CREB1: variants seen among roughly 807,000 people sequenced by gnomAD.
The protein encoded by CREB1 is cyclic AMP-responsive element-binding protein 1.
Under a neutral mutation model 42.0 loss-of-function variants are expected in CREB1, and 2 were observed. The ratio of observed to expected loss-of-function variants is 0.05; its 90% CI spans 0.02 to 0.15. The LOEUF (loss-of-function observed/expected upper bound fraction) is 0.15, where lower values mean the gene tolerates loss of function less well. CREB1 is among the 10% of genes least tolerant of loss of function. CREB1 has a pLI of 1.00. For missense variants in CREB1, 199 were observed against 388.9 expected (o/e 0.51, Z 4.11); for synonymous variants, 123 against 139.9 (o/e 0.88, Z 0.85).
At chr2:207,555,330 G>T (rs1233119451) in intron 1 of CREB1, among the ~76,000 whole-genome samples, 1 of 152,136 alleles carries the variant, frequency 6.6e-6, no homozygotes, top group Non-Finnish European at 1.5e-5. Flanking sequence ...GTTAGTAGGG[G>T]AGATTTATGT....
At chr2:207,571,022 C>CT (rs71036933) in intron 5 of CREB1, among the ~76,000 whole-genome samples, 738 of 68,492 alleles carry the variant, frequency 0.011, 25 homozygotes, top group South Asian at 0.065. Flanking sequence ...CTCTTTTTCC[C>CT]TTTTTTTTTT....
intron 1 of CREB1, among the ~76,000 whole-genome samples, chr2:207,533,149 T>C (rs2080722626): frequency 6.6e-6 from 1 of 152,178 alleles, no homozygotes; most frequent in African/African-American, 2.4e-5. Flanking sequence ...CAGAGTTTGC[T>C]TGAAGAATGT....
At chr2:207,584,592 G>A (rs1445727743) in intron 7 of CREB1, among the ~76,000 whole-genome samples, 1 of 152,140 alleles carries the variant, frequency 6.6e-6, no homozygotes, top group African/African-American at 2.4e-5. Context: ...AGTAGAGACA[G>A]GGTTTCGCCA....
intron 1 of CREB1, among the ~76,000 whole-genome samples, chr2:207,554,866 G>T (rs2081652474): frequency 6.6e-6 from 1 of 152,172 alleles, no homozygotes; most frequent in Non-Finnish European, 1.5e-5. Context: ...ATTTGGCTCT[G>T]TGGCCATTTA....
At chr2:207,571,012 C>A in intron 5 of CREB1, among the ~76,000 whole-genome samples, 1 of 33,370 alleles carries the variant, frequency 3.0e-5, no homozygotes, top group East Asian at 2.7e-3. Flanking sequence ...GTACTTTTTT[C>A]TCTTTTTCCC....
rs55694411 is a variant in CREB1 at position 207,604,321 on chromosome 2, C to A, written c.*7263C>A. On this transcript the variant is annotated 3_prime_UTR_variant, in exon 8 of 8. Coordinates refer to ENST00000353267, the MANE Select transcript of CREB1 (RefSeq NM_004379.5). ...TCTTTTACACTCAGGTTGCAAAACA[C>A]AGGCCCAAGACAAACTTAACTTCTC... Among the ~76,000 whole-genome samples, 5,037 of 152,298 alleles carry A rather than the reference C, an allele frequency of 0.033. 296 individuals carry two copies. Among genetic ancestry groups the A allele is most frequent in the African/African-American group, 0.12 (4,777 of 41,534 alleles).
chr2:207,604,381 G>C lies in CREB1; in HGVS notation c.*7323G>C, dbSNP rs1346519312. Among the ~76,000 whole-genome samples the C allele has an allele frequency of 2.0e-5, 3 of 152,124 alleles. No homozygotes were observed. Among genetic ancestry groups the C allele is most frequent in the Admixed American group, 2.0e-4 (3 of 15,264 alleles). ...TTCCTTCCGCTGGTTTTTCCATCTC[G>C]TAAGTGGTGCCACTATCCATCTGTT... On this transcript the variant is annotated 3_prime_UTR_variant, in exon 8 of 8. Transcript: ENST00000353267.
intron 5 of CREB1, 29 bp downstream of exon 5, chr2:207,570,350 T>TGTGAGGAGAAAAAA: frequency 6.4e-7 from 1 of 1,552,162 alleles, no homozygotes; most frequent in Non-Finnish European, 8.7e-7. Context: ...CTGTTTCTAT[T>TGTGAGGAGAAAAAA]GTGAGGAGAA....
chr2:207,588,013 T>C (rs1048803147), intron 7 of CREB1, among the ~76,000 whole-genome samples: 3 of 152,226 alleles, frequency 2.0e-5, no homozygotes, highest in African/African-American at 7.2e-5. Flanking sequence ...CATAATTTGA[T>C]CATTACATAC....
In CREB1 at chr2:207,577,518, C is replaced by G. The variant is rs754917809; in HGVS notation, c.702C>G (p.Asp234Glu). ...NQVVVQAASG[D>E]VQTYQIRTAP... The stretch of plus-strand genomic sequence containing the variant: ...TGTTTTTTTCAGCTGCCTCTGGAGA[C>G]GTACAAACATACCAGATTCGCACAG... The change falls in exon 7 of 8, where the codon GAC becomes GAG. Residue 234 changes from aspartate to glutamate, a missense_variant. By Grantham distance (45) the Asp-to-Glu change is conservative. This residue lies in a region of CREB1 where 66 missense variants were observed against 88.1 expected (regional missense o/e 0.75). Coordinates refer to ENST00000353267, the MANE Select transcript of CREB1 (RefSeq NM_004379.5). 1.2e-6 allele frequency: 2 copies of G among 1,613,734 alleles called. No individual in the cohort carries two copies. Among genetic ancestry groups the G allele is most frequent in the Non-Finnish European group, 1.7e-6 (2 of 1,179,848 alleles).
At chr2:207,536,414 G>A (rs1005434828) in intron 1 of CREB1, among the ~76,000 whole-genome samples, 1 of 151,896 alleles carries the variant, frequency 6.6e-6, no homozygotes, top group South Asian at 2.1e-4. Flanking sequence ...AATTAGCTGG[G>A]CATGGGGGCA....
intron 5 of CREB1, among the ~76,000 whole-genome samples, 159 bp downstream of exon 5, chr2:207,570,480 T>G (rs1210555952): frequency 6.6e-6 from 1 of 152,258 alleles, no homozygotes; most frequent in East Asian, 1.9e-4. Context: ...TGCAAAGGTC[T>G]GTAATGGTAG....
chr2:207,541,635 T>A (rs995107278), intron 1 of CREB1, among the ~76,000 whole-genome samples: 1 of 152,216 alleles, frequency 6.6e-6, no homozygotes, highest in African/African-American at 2.4e-5. Context: ...CATGACTGTA[T>A]ATGTATTACA....
rs1377697029 is a variant in CREB1 at position 207,566,346 on chromosome 2, A to AT, written c.262-1117_262-1116insT. ...TTTGACGTGGAGCTGACCTACATAG[A>AT]CCCTTTTGTCTTGGTTAAGTATAAT... On this transcript the variant is annotated intron_variant, in intron 3 of 7. Transcript: ENST00000353267. Among the ~76,000 whole-genome samples the AT allele has an allele frequency of 3.3e-5, 5 of 152,216 alleles. No homozygotes were observed. The South Asian group carries it at 8.3e-4, about 25-fold the overall frequency.
intron 1 of CREB1, among the ~76,000 whole-genome samples, chr2:207,545,141 C>T (rs1242789078): frequency 5.9e-5 from 9 of 152,212 alleles, no homozygotes; most frequent in Non-Finnish European, 1.3e-4. Flanking sequence ...TATTGCCACA[C>T]TGTCTTCCAC....
In CREB1 at chr2:207,603,463, A is replaced by G. The variant is rs975104061; in HGVS notation, c.*6405A>G. 1 of 224,568 alleles carries G rather than the reference A, an allele frequency of 4.5e-6. No individual in the cohort carries two copies. Among genetic ancestry groups the G allele is most frequent in the Non-Finnish European group, 8.9e-6 (1 of 112,756 alleles). The allele number at this position is 224,568 out of a possible 1,614,324, so 13.9% of individuals were successfully genotyped here. A position where few individuals can be genotyped will look rare whatever the true frequency, so the allele number is the denominator to read the frequency against. ...TCTCTTTTTTGGGGATGGGATCTCTATATTTTGTTGGGTTTTTTTTGCTAG... is the reference window on the plus strand; with the variant it reads ...TCTCTTTTTTGGGGATGGGATCTCTGTATTTTGTTGGGTTTTTTTTGCTAG... On this transcript the variant is annotated 3_prime_UTR_variant, in exon 8 of 8. Transcript: ENST00000353267.
At chr2:207,554,944 G>A (rs192726840) in intron 1 of CREB1, among the ~76,000 whole-genome samples, 4 of 152,206 alleles carry the variant, frequency 2.6e-5, no homozygotes, top group South Asian at 2.1e-4. Context: ...TGCAATGCAC[G>A]TGTATTCTCA....
chr2:207,573,804 G>T (rs2082466669), intron 5 of CREB1, among the ~76,000 whole-genome samples: 1 of 152,126 alleles, frequency 6.6e-6, no homozygotes, highest in African/African-American at 2.4e-5. Flanking sequence ...TGTCATATAT[G>T]GTTTACTATT....
intron 3 of CREB1, among the ~76,000 whole-genome samples, chr2:207,566,848 T>A (rs533050564): frequency 9.2e-5 from 14 of 152,224 alleles, no homozygotes; most frequent in Non-Finnish European, 1.3e-4. Flanking sequence ...ATGTAAATTT[T>A]TTATTCACTT....
Sources: gnomAD v4.1 joint callset for allele counts (sites outside exome capture counted in the v4.1 genomes callset) on GRCh38, gnomAD v4.1.1 for gene constraint, gnomAD v4.1.1 regional missense constraint, MANE v1.5 for transcripts, NCBI Gene and HGNC (gene_info 2026-07-23, HGNC 2026-07-21) for gene names.